ACOT8: variants seen among roughly 807,000 people sequenced by gnomAD.
ACOT8 encodes the protein acyl-CoA thioesterase 8.
ACOT8 carries 31 observed loss-of-function variants against 38.4 expected under a neutral mutation model. The observed-to-expected ratio is 0.81, with a 90% CI of 0.61 to 1.09. The LOEUF (loss-of-function observed/expected upper bound fraction) is 1.09, where lower values mean the gene tolerates loss of function less well. Ranked by LOEUF, ACOT8 falls within the 50% of genes least tolerant of loss-of-function variation. The probability of loss-of-function intolerance (pLI) is 0.00; values close to 1 mark genes in which losing one functional copy is unlikely to be tolerated. For synonymous variants in ACOT8, 158 were observed against 170.3 expected, an observed-to-expected ratio of 0.93 and a Z score of 0.56; for missense variants, 373 against 421.8, an observed-to-expected ratio of 0.88 and a Z score of 1.01.
Position 45,855,199 on chromosome 20 carries a change from G to A in ACOT8, c.222C>T (p.Asp74=), listed in dbSNP as rs1985333349. ...LVAAAKSVSE[D]VHVHSLHCYF... ...AGCAGTGCAGGGAGTGCACGTGGAC[G>A]TCTTCACTCACAGACTTGGCTGCAG... The change falls in exon 2 of 6, where the codon GAC becomes GAT. Residue 74 remains aspartate (D), a synonymous_variant. Coordinates refer to ENST00000217455, the MANE Select transcript of ACOT8 (RefSeq NM_005469.4). 5 of 1,614,028 alleles carry A rather than the reference G, an allele frequency of 3.1e-6. No individual in the cohort carries two copies. Among genetic ancestry groups the A allele is most frequent in the Middle Eastern group, 1.6e-4 (1 of 6,078 alleles).
rs750307207 is a variant in ACOT8, at chr20:45,843,686, C to G, written c.682G>C (p.Ala228Pro). ...GDMKMHCCVA[A>P]YISDYAFLGT... ...AAGAAGGCATAGTCGGAGATATAGG[C>G]GGCCACGCAGCAGTGCATCTTCATG... The change falls in exon 5 of 6, where the codon GCC becomes CCC. Residue 228 changes from alanine to proline, a missense_variant. Ala to Pro is a conservative substitution (Grantham distance 27). Transcript: ENST00000217455. 2 of 1,611,712 alleles carry G rather than the reference C, an allele frequency of 1.2e-6. No individual in the cohort carries two copies. The highest frequency in any genetic ancestry group is 3.3e-5 in the Admixed American group (2 of 59,982).
chr20:45,851,334 G>A (rs530658401), intron 2 of ACOT8, among the ~76,000 whole-genome samples: 1 of 152,118 alleles, frequency 6.6e-6, no homozygotes, highest in Non-Finnish European at 1.5e-5. Context: ...CACTGGGAAT[G>A]AAGTCTTCCT....
At chr20:45,856,362 G>GT (rs1266253363) in intron 1 of ACOT8, among the ~76,000 whole-genome samples, 11 of 152,140 alleles carry the variant, frequency 7.2e-5, no homozygotes, top group African/African-American at 2.4e-4. Context: ...AAAGCCAGGA[G>GT]AAGCCTTGGA....
At chr20:45,854,251 C>T (rs1039921513) in intron 2 of ACOT8, among the ~76,000 whole-genome samples, 2 of 152,054 alleles carry the variant, frequency 1.3e-5, no homozygotes, top group African/African-American at 4.8e-5. Context: ...GAGTGCTCGC[C>T]CAGGCTGGAG....
In ACOT8 at chr20:45,853,823, G is replaced by A. The variant is rs545610900; in HGVS notation, c.262+1336C>T. 1.1e-4 allele frequency: 100 copies of A among 903,450 alleles called. No homozygotes were observed. The African/African-American group carries it at 1.2e-3, about 11-fold the overall frequency. 56.0% of individuals were successfully genotyped at this position (903,450 alleles called of 1,614,324 possible). On this transcript the variant is annotated intron_variant, in intron 2 of 5. Coordinates refer to ENST00000217455, the MANE Select transcript of ACOT8 (RefSeq NM_005469.4). ...CTCAGGGATGAGGAGTAAGAGACAC[G>A]GGACAGTATGAAAAAGTGTATTTAC...
Position 45,843,513 on chromosome 20 carries a change from G to T in ACOT8, c.841+14C>A. On this transcript the variant is annotated intron_variant, in intron 5 of 5. Coordinates refer to ENST00000217455, the MANE Select transcript of ACOT8 (RefSeq NM_005469.4). The stretch of plus-strand genomic sequence containing the variant: ...CAAGGTCAGTGCCCTTGTCCCACAC[G>T]GCCCCACACTCACCGGCCCAGGGGC... 6.2e-7 allele frequency: 1 copy of T among 1,606,834 alleles called. No individual in the cohort carries two copies. The highest frequency in any genetic ancestry group is 1.1e-5 in the South Asian group (1 of 90,348).
intron 2 of ACOT8, among the ~76,000 whole-genome samples, chr20:45,854,376 A>AT (rs548990597): frequency 9.1e-4 from 136 of 149,454 alleles, no homozygotes; most frequent in African/African-American, 2.3e-3. Flanking sequence ...CACCTGGCTA[A>AT]TTTTTTTATA....
Position 45,857,263 on chromosome 20 carries a change from T to C in ACOT8, c.53A>G (p.Asp18Gly), listed in dbSNP as rs756200516. 1 of 1,613,038 alleles carries C rather than the reference T, an allele frequency of 6.2e-7. No individual in the cohort carries two copies. Among genetic ancestry groups the C allele is most frequent in the South Asian group, 1.1e-5 (1 of 90,972 alleles). ...EDGQGCGDRG[D>G]PPGDLRSVLV... Reference sequence around the variant, plus strand: ...GACGCTACGGAGGTCCCCAGGGGGATCGCCGCGGTCGCCACAGCCCTGCCC... The same window carrying C: ...GACGCTACGGAGGTCCCCAGGGGGACCGCCGCGGTCGCCACAGCCCTGCCC... Residue 18 changes from aspartate to glycine, a missense_variant, in exon 1 of 6, where the codon GAT becomes GGT. By Grantham distance (94) the Asp-to-Gly change is moderately conservative (BLOSUM62 -1). Transcript: ENST00000217455.
chr20:45,857,280 G>T lies in ACOT8; in HGVS notation c.36C>A (p.Gly12=). The T allele has an allele frequency of 6.2e-7, 1 of 1,611,750 alleles. No homozygotes were observed. Among genetic ancestry groups the T allele is most frequent in the Non-Finnish European group, 8.5e-7 (1 of 1,179,254 alleles). ...SSPQAPEDGQ[G]CGDRGDPPGD... ...CAGGGGGATCGCCGCGGTCGCCACA[G>T]CCCTGCCCATCTTCTGGGGCCTGCG... The change falls in exon 1 of 6, where the codon GGC becomes GGA. Residue 12 remains glycine (G), a synonymous_variant. Coordinates refer to ENST00000217455, the MANE Select transcript of ACOT8 (RefSeq NM_005469.4).
chr20:45,843,452 A>T (rs1189988703), intron 5 of ACOT8, 75 bp downstream of exon 5: 1 of 1,541,358 alleles, frequency 6.5e-7, no homozygotes, highest in Admixed American at 1.9e-5. Context: ...GAAGTCGGGA[A>T]ATCAGCATCA....
chr20:45,845,079 G>C (rs1179121589), intron 3 of ACOT8, among the ~76,000 whole-genome samples: 2 of 152,044 alleles, frequency 1.3e-5, no homozygotes, highest in Non-Finnish European at 2.9e-5. Flanking sequence ...ACTGTGCCTG[G>C]CTAACATTTT....
chr20:45,856,599 G>C (rs1985456109), intron 1 of ACOT8, among the ~76,000 whole-genome samples: 1 of 152,090 alleles, frequency 6.6e-6, no homozygotes, highest in Non-Finnish European at 1.5e-5. Flanking sequence ...AGAAATGCTT[G>C]AACCCGGGAG....
Position 45,854,491 on chromosome 20 carries a change from G to A in ACOT8, c.262+668C>T, listed in dbSNP as rs1360247385. On this transcript the variant is annotated intron_variant, in intron 2 of 5. Transcript: ENST00000217455. ...TCCAAAGTGCTGGGATTACAGGCGT[G>A]AGCCACCGCGCCCGGCCTCACACAT... Among the ~76,000 whole-genome samples, 5 of 152,206 alleles carry A rather than the reference G, an allele frequency of 3.3e-5. No homozygotes were observed. In the South Asian group the frequency reaches 8.3e-4, roughly 25 times the overall value.
intron 5 of ACOT8, 75 bp from the exon 6 acceptor site, chr20:45,842,031 A>C: frequency 6.4e-7 from 1 of 1,568,950 alleles, no homozygotes; most frequent in East Asian, 2.3e-5. Flanking sequence ...TTCCTGAAAC[A>C]GAGTCTCACT....
chr20:45,857,323 A>G lies in ACOT8; in HGVS notation c.-8T>C. The G allele has an allele frequency of 6.3e-7, 1 of 1,591,800 alleles. No homozygotes were observed. Among genetic ancestry groups the G allele is most frequent in the South Asian group, 1.2e-5 (1 of 85,368 alleles). On this transcript the variant is annotated 5_prime_UTR_variant, in exon 1 of 6. Coordinates refer to ENST00000217455, the MANE Select transcript of ACOT8 (RefSeq NM_005469.4). ...GGCCTGCGGGGACGACATCTAGTTC[A>G]ATGCTGCAGGCCCTGCACACCCGCT...
At chr20:45,848,205 C>T (rs539130619) in intron 3 of ACOT8, among the ~76,000 whole-genome samples, 2 of 152,280 alleles carry the variant, frequency 1.3e-5, no homozygotes, top group South Asian at 4.1e-4. Flanking sequence ...CCACTGCACC[C>T]GGCCAAGCCC....
At position 45,852,346 on chromosome 20, in the gene ACOT8, G is replaced by GT. The variant is rs113261684; in HGVS notation, c.262+2812dup. Among the ~76,000 whole-genome samples the GT allele has an allele frequency of 4.4e-3, 587 of 132,932 alleles. 6 individuals are homozygous for GT. Among genetic ancestry groups the GT allele is most frequent in the African/African-American group, 0.015 (482 of 31,722 alleles). 87.2% of individuals were successfully genotyped at this position (132,932 alleles called of 152,430 possible). ...CCACACCTGGCTAATTTTTGTGTGT[G>GT]TTTTTTTTTTTTAGTAGAGATGGAG... On this transcript the variant is annotated intron_variant, in intron 2 of 5. Transcript: ENST00000217455.
intron 3 of ACOT8, 143 bp downstream of exon 3, chr20:45,848,307 A>G (rs573592484): frequency 1.1e-4 from 87 of 766,984 alleles, no homozygotes; most frequent in South Asian, 8.8e-4. Context: ...CCCTTAATAC[A>G]TACATATTAT....
chr20:45,851,366 GA>G (rs201543450), intron 2 of ACOT8, among the ~76,000 whole-genome samples: 11 of 151,554 alleles, frequency 7.3e-5, no homozygotes, highest in African/African-American at 2.2e-4. Flanking sequence ...AACTTGGGGG[GA>G]AAAAACAAAA....
Sources: gnomAD v4.1 joint callset for allele counts (sites outside exome capture counted in the v4.1 genomes callset) on GRCh38, gnomAD v4.1.1 for gene constraint, MANE v1.5 for transcripts, NCBI Gene and HGNC (gene_info 2026-07-23, HGNC 2026-07-21) for gene names.